Variants in INF2 observed in about 807,000 individuals in gnomAD.
INF2 encodes inverted formin-2.
Under a neutral mutation model 123.5 loss-of-function variants are expected in INF2, and 43 were observed. The observed-to-expected ratio is 0.35, with a 90% CI of 0.27 to 0.45. INF2 has a LOEUF of 0.45. Among genes scored for constraint, INF2 ranks in the 20% least tolerant of loss-of-function variants. The pLI is 1.00. For missense variants in INF2, 1,453 were observed against 1,682.7 expected, an observed-to-expected ratio of 0.86 and a Z score of 2.39; for synonymous variants, 851 against 745.0, an observed-to-expected ratio of 1.14 and a Z score of -2.32.
At position 104,707,774 on chromosome 14, in the gene INF2, C is replaced by G; in HGVS notation, c.1507C>G (p.Pro503Ala). Residue 503 changes from proline to alanine, a missense_variant, in exon 8 of 23, where the codon CCC (proline) becomes GCC (alanine). Transcript: ENST00000392634. Reference protein sequence around the residue: ...PLPGLGCPPPPPPLLPGMGWG... With the variant: ...PLPGLGCPPPAPPLLPGMGWG... ...CCCGGGCTTGGGATGCCCGCCCCCACCCCCACCCCTGCTGCCTGGTATGGG... is the reference window on the plus strand; with the variant it reads ...CCCGGGCTTGGGATGCCCGCCCCCAGCCCCACCCCTGCTGCCTGGTATGGG... 1 of 1,345,636 alleles carries G rather than the reference C, an allele frequency of 7.4e-7. No individual in the cohort carries two copies. Among genetic ancestry groups the G allele is most frequent in the East Asian group, 2.5e-5 (1 of 39,878 alleles). The allele number at this position is 1,345,636 out of a possible 1,614,324, so 83.4% of individuals were successfully genotyped here. A position where few individuals can be genotyped will look rare whatever the true frequency, so the allele number is the denominator to read the frequency against.
intron 18 of INF2, 26 bp downstream of exon 18, chr14:104,713,018 C>T: frequency 6.2e-7 from 1 of 1,611,646 alleles, no homozygotes; most frequent in Non-Finnish European, 8.5e-7. Flanking sequence ...GGGACACAGC[C>T]TGTCTGGCTA....
rs946926571 is a variant in INF2 at position 104,689,685 on chromosome 14, C to T, written c.-64C>T. On this transcript the variant is annotated 5_prime_UTR_variant, in exon 1 of 23. Coordinates refer to ENST00000392634, the MANE Select transcript of INF2 (RefSeq NM_022489.4). ...CGCCGGCTGCCCGCAGCCCCTGACC[C>T]GGCCCCGGACGGAGCGCCGGCCGCA... 51 of 984,682 alleles carry T rather than the reference C, an allele frequency of 5.2e-5. No homozygotes were observed. The highest frequency in any genetic ancestry group is 5.8e-5 in the Non-Finnish European group (48 of 829,692). The allele number at this position is 984,682 out of a possible 1,614,324, so 61.0% of individuals were successfully genotyped here.
At chr14:104,681,868 G>A (rs559027376) in intron 1 of INF2, among the ~76,000 whole-genome samples, 23 of 152,232 alleles carry the variant, frequency 1.5e-4, no homozygotes, top group Non-Finnish European at 2.5e-4. Context: ...GTCTAACTGG[G>A]GAGCCAGGCA....
intron 1 of INF2, among the ~76,000 whole-genome samples, chr14:104,683,873 T>A (rs1273176017): frequency 6.6e-6 from 1 of 152,132 alleles, no homozygotes. Flanking sequence ...TCTGCAGGGT[T>A]CAAGGCCAGA....
In INF2 at chr14:104,716,084, G is replaced by A. The variant is rs865952812; in HGVS notation, c.*1+744G>A. On this transcript the variant is annotated intron_variant, in intron 22 of 22. Transcript: ENST00000392634. ...CAGGACCAGCCTGCACTGGGTGGAG[G>A]AGGGGCTAGAGCAGAGAACCAGAAG... is the stretch of plus-strand genomic sequence containing the variant. 5.8e-5 allele frequency: 23 copies of A among 398,328 alleles called. 2 individuals carry two copies. In the Middle Eastern group the frequency reaches 6.5e-3, roughly 113 times the overall value. The allele number at this position is 398,328 out of a possible 1,614,324, so 24.7% of individuals were successfully genotyped here. A position where few individuals can be genotyped will look rare whatever the true frequency, so the allele number is the denominator to read the frequency against.
Position 104,709,262 on chromosome 14 carries a change from G to T in INF2, c.1950-19G>T, listed in dbSNP as rs745859621. The T allele has an allele frequency of 1.9e-6, 3 of 1,599,324 alleles. No homozygotes were observed. Among genetic ancestry groups the T allele is most frequent in the Non-Finnish European group, 2.6e-6 (3 of 1,169,356 alleles). On this transcript the variant is annotated intron_variant, in intron 10 of 22. Transcript: ENST00000392634. The stretch of plus-strand genomic sequence containing the variant: ...ACTCATGATTCACTCACCCCTGCCC[G>T]GTCCTCTCCCTGCTCCAGCTCCAAC...
intron 2 of INF2, among the ~76,000 whole-genome samples, chr14:104,702,302 CGGCA>C (rs896391788): frequency 8.5e-5 from 13 of 152,214 alleles, no homozygotes; most frequent in East Asian, 3.9e-4. Context: ...GACTCGTTCC[CGGCA>C]GGCAGGCAGG....
chr14:104,694,956 G>A (rs1889117401), intron 1 of INF2, among the ~76,000 whole-genome samples: 1 of 152,160 alleles, frequency 6.6e-6, no homozygotes, highest in East Asian at 1.9e-4. Flanking sequence ...GCTCCAATGA[G>A]CTGCTGCCCT....
At chr14:104,692,437 A>C (rs1363164158) in intron 1 of INF2, among the ~76,000 whole-genome samples, 1 of 152,074 alleles carries the variant, frequency 6.6e-6, no homozygotes, top group Non-Finnish European at 1.5e-5. Context: ...GTCAGGGTGC[A>C]AATGGGCTGG....
chr14:104,716,606 C>T (rs1022749453), intron 22 of INF2, among the ~76,000 whole-genome samples: 3 of 152,246 alleles, frequency 2.0e-5, no homozygotes, highest in Admixed American at 2.0e-4. Flanking sequence ...ACCTGCTACA[C>T]GTGCTTAGCC....
chr14:104,709,982 C>A, intron 12 of INF2, 106 bp from the exon 13 acceptor site: 1 of 1,018,326 alleles, frequency 9.8e-7, no homozygotes, highest in Non-Finnish European at 1.5e-6. Flanking sequence ...CGGTGGAAAC[C>A]CCCTCCCTTT....
Position 104,708,504 on chromosome 14 carries a change from A to G in INF2, c.1804A>G (p.Ile602Val). ...AEAVEPDFSS[I>V]ERLFSFPAAK... ...GGCTGTGGAGCCCGACTTCTCCAGC[A>G]TCGAGCGACTATTCTCCTTCCCTGC... is the stretch of plus-strand genomic sequence containing the variant. Residue 602 changes from isoleucine (I) to valine (V), a missense_variant, in exon 9 of 23, where the codon ATC becomes GTC. This residue lies in a region of INF2 where 192 missense variants were observed against 274.4 expected (regional missense o/e 0.70). Coordinates refer to ENST00000392634, the MANE Select transcript of INF2 (RefSeq NM_022489.4). The G allele has an allele frequency of 6.2e-7, 1 of 1,612,396 alleles. No individual in the cohort carries two copies. Among genetic ancestry groups the G allele is most frequent in the Non-Finnish European group, 8.5e-7 (1 of 1,179,778 alleles).
intron 18 of INF2, 33 bp from the exon 19 acceptor site, chr14:104,713,174 G>A (rs759696595): frequency 5.7e-6 from 9 of 1,569,944 alleles, no homozygotes; most frequent in South Asian, 2.3e-5. Context: ...GGGATGCCAC[G>A]CTGGGGTGAC....
chr14:104,683,305 C>T (rs1352343667), intron 1 of INF2, among the ~76,000 whole-genome samples: 1 of 152,174 alleles, frequency 6.6e-6, no homozygotes, highest in African/African-American at 2.4e-5. Flanking sequence ...CATGCATCCT[C>T]CTACGTGCCT....
At position 104,701,733 on chromosome 14, in the gene INF2, G is replaced by A. The variant is rs994483790; in HGVS notation, c.368G>A (p.Gly123Asp). The change falls in exon 2 of 23, where the codon GGC becomes GAC. Residue 123 changes from glycine to aspartate, a missense_variant. Physicochemically the swap from Gly to Asp is moderately conservative, Grantham distance 94 (BLOSUM62 -1). Coordinates refer to ENST00000392634, the MANE Select transcript of INF2 (RefSeq NM_022489.4). ...QGIEYILSNQGYVRQLSQALD... is the reference protein window; with the variant it reads ...QGIEYILSNQDYVRQLSQALD... ...ATCGAGTACATCCTCAGCAACCAGG[G>A]CTACGTGCGCCAGCTCTCCCAGGGT... The A allele has an allele frequency of 1.9e-5, 29 of 1,524,156 alleles. No homozygotes were observed. The highest frequency in any genetic ancestry group is 2.6e-5 in the Non-Finnish European group (29 of 1,134,706). The allele number at this position is 1,524,156 out of a possible 1,614,324, so 94.4% of individuals were successfully genotyped here. A position where few individuals can be genotyped will look rare whatever the true frequency, so the allele number is the denominator to read the frequency against.
At chr14:104,707,217 C>A in intron 7 of INF2, 36 bp from the exon 8 acceptor site, 1 of 1,583,338 alleles carries the variant, frequency 6.3e-7, no homozygotes, top group East Asian at 2.3e-5. Flanking sequence ...CTCTCCGGCT[C>A]CCTTCTCCCT....
chr14:104,699,696 GC>G lies in INF2; in HGVS notation c.-9-1658del. On this transcript the variant is annotated intron_variant, in intron 1 of 22. Coordinates refer to ENST00000392634, the MANE Select transcript of INF2 (RefSeq NM_022489.4). This position sits in a 1 kb window ranked among gnomAD's most constrained non-coding sequence, Gnocchi z 4.7. ...GGCTCCGGGCTCTCCGTTCTACAGTGCCCAGACCAGGACCCCCTGCAGGGAG... is the reference window on the plus strand; with the variant it reads ...GGCTCCGGGCTCTCCGTTCTACAGTGCCAGACCAGGACCCCCTGCAGGGAG... 1.6e-6 allele frequency: 1 copy of G among 623,906 alleles called. No individual in the cohort carries two copies. The highest frequency in any genetic ancestry group is 2.0e-6 in the Non-Finnish European group (1 of 499,828). 38.6% of individuals were successfully genotyped at this position (623,906 alleles called of 1,614,324 possible). A position where few individuals can be genotyped will look rare whatever the true frequency, so the allele number is the denominator to read the frequency against.
At position 104,703,592 on chromosome 14, in the gene INF2, G is replaced by A. The variant is rs1164189312; in HGVS notation, c.667+138G>A. The A allele has an allele frequency of 1.5e-5, 18 of 1,208,272 alleles. 1 individual carries two copies. The highest frequency in any genetic ancestry group is 1.1e-4 in the South Asian group (9 of 80,210). The allele number at this position is 1,208,272 out of a possible 1,614,324, so 74.8% of individuals were successfully genotyped here. On this transcript the variant is annotated intron_variant, in intron 4 of 22. Coordinates refer to ENST00000392634, the MANE Select transcript of INF2 (RefSeq NM_022489.4). ...GGGCCCCAGAGGAAGGCGCCATCTC[G>A]GGCCTGCCACCACCTGCCCCTTCAA...
intron 2 of INF2, 122 bp downstream of exon 2, chr14:104,701,878 G>A (rs1452566833): frequency 3.6e-6 from 4 of 1,115,848 alleles, no homozygotes; most frequent in South Asian, 3.4e-5. Flanking sequence ...AGGCAGGCAA[G>A]GAGGGCTTCC....
Sources: gnomAD v4.1 joint callset for allele counts (sites outside exome capture counted in the v4.1 genomes callset) on GRCh38, gnomAD v4.1.1 for gene constraint, gnomAD v4.1.1 regional missense constraint, Gnocchi (gnomAD v3.1) non-coding constraint, MANE v1.5 for transcripts, NCBI Gene and HGNC (gene_info 2026-07-23, HGNC 2026-07-21) for gene names.